Variants in SCAPER observed in about 807,000 individuals in gnomAD.
SCAPER encodes the protein S-phase cyclin A associated protein in the ER, also known as S phase cyclin A-associated protein in the endoplasmic reticulum.
A neutral mutation model predicts 182.2 loss-of-function variants in SCAPER; 98 were observed. The observed-to-expected ratio is 0.54, with a 90% CI of 0.46 to 0.64. The LOEUF is 0.64. SCAPER is among the 30% of genes least tolerant of loss of function. The pLI is 0.00. For missense variants in SCAPER, 1,432 were observed against 1,690.0 expected (o/e 0.85, Z 2.68); for synonymous variants, 605 against 564.6 (o/e 1.07, Z -1.01).
chr15:76,514,788 T>C (rs2042294158), intron 23 of SCAPER, among the ~76,000 whole-genome samples: 1 of 152,204 alleles, frequency 6.6e-6, no homozygotes, highest in African/African-American at 2.4e-5. Flanking sequence ...TGGTCGTTTT[T>C]CCCAATATGG....
intron 8 of SCAPER, among the ~76,000 whole-genome samples, chr15:76,792,181 G>T (rs1469639537): frequency 1.3e-5 from 2 of 151,836 alleles, no homozygotes; most frequent in Non-Finnish European, 2.9e-5. Flanking sequence ...AGGAAATTCA[G>T]ATATAAAGGT....
intron 25 of SCAPER, among the ~76,000 whole-genome samples, chr15:76,468,479 TTCA>T (rs2049865372): frequency 6.6e-6 from 1 of 152,128 alleles, no homozygotes; most frequent in South Asian, 2.1e-4. Context: ...ACGAAGGTTA[TTCA>T]AAGGGAACTA....
At chr15:76,761,243 G>C (rs558751792) in intron 14 of SCAPER, among the ~76,000 whole-genome samples, 18 of 151,820 alleles carry the variant, frequency 1.2e-4, no homozygotes, top group African/African-American at 4.3e-4. Flanking sequence ...TTTTTTCTTA[G>C]ACTAGCTAAG....
intron 21 of SCAPER, among the ~76,000 whole-genome samples, chr15:76,637,772 GTGTGTGTGT>G (rs2053757905): frequency 1.4e-5 from 2 of 142,712 alleles, no homozygotes; most frequent in Non-Finnish European, 3.0e-5. Context: ...GTGTGTGTGT[GTGTGTGTGT>G]GTGTGTGTGT....
chr15:76,638,299 AT>A (rs1384573925), intron 21 of SCAPER, among the ~76,000 whole-genome samples: 1 of 152,136 alleles, frequency 6.6e-6, no homozygotes, highest in Non-Finnish European at 1.5e-5. Context: ...AGAGTTCACA[AT>A]TTTAACAACA....
intron 21 of SCAPER, among the ~76,000 whole-genome samples, chr15:76,632,089 T>C (rs2053162098): frequency 6.6e-6 from 1 of 152,226 alleles, no homozygotes; most frequent in Non-Finnish European, 1.5e-5. Flanking sequence ...GACTGATACT[T>C]GTGTTTGCAT....
rs1427667650 is a variant in SCAPER, at chr15:76,804,567, G to C, written c.460C>G (p.Gln154Glu). The C allele has an allele frequency of 6.2e-7, 1 of 1,611,578 alleles. No individual in the cohort carries two copies. Among genetic ancestry groups the C allele is most frequent in the Admixed American group, 1.7e-5 (1 of 59,916 alleles). ...GCATCTGTCTTCTCTAGCTTTTCCT[G>C]AAGCTGAATCCAGTCAATCAATGCT... ...FKALIDWIQLQEKLEKTDAQS... is the reference protein window; with the variant it reads ...FKALIDWIQLEEKLEKTDAQS... The change falls in exon 6 of 32, where the codon CAG becomes GAG. Residue 154 changes from glutamine (Q) to glutamate (E), a missense_variant. Physicochemically the swap from Gln to Glu is conservative, Grantham distance 29 (BLOSUM62 2). Transcript: ENST00000563290.
Position 76,584,283 on chromosome 15 carries a change from G to A in SCAPER, c.2712-9999C>T, listed in dbSNP as rs190350815. On this transcript the variant is annotated intron_variant, in intron 22 of 31. Transcript: ENST00000563290. ...TACCAGAGGCTGGTAAGGGTAGTGG[G>A]GAAGTGTGTGTCATTAATAAGTACA... Among the ~76,000 whole-genome samples, 4 of 152,264 alleles carry A rather than the reference G, an allele frequency of 2.6e-5. No homozygotes were observed. In the East Asian group the frequency reaches 7.7e-4, roughly 29 times the overall value.
chr15:76,700,950 G>A (rs2058908347), intron 20 of SCAPER, among the ~76,000 whole-genome samples: 1 of 152,094 alleles, frequency 6.6e-6, no homozygotes, highest in Admixed American at 6.5e-5. Context: ...GGGGACATAA[G>A]TAGGAGGGGG....
chr15:76,825,775 C>A (rs2067959234), intron 5 of SCAPER, among the ~76,000 whole-genome samples: 3 of 152,142 alleles, frequency 2.0e-5, no homozygotes, highest in African/African-American at 7.2e-5. Flanking sequence ...GACAGAGTCT[C>A]GCTCTGTTGC....
intron 1 of SCAPER, among the ~76,000 whole-genome samples, chr15:76,885,247 G>A (rs571450689): frequency 3.3e-5 from 5 of 152,128 alleles, no homozygotes; most frequent in African/African-American, 9.6e-5. Flanking sequence ...ATCTCACTCG[G>A]AGGAAAAGCC....
chr15:76,628,138 T>C (rs1373973568), intron 21 of SCAPER, among the ~76,000 whole-genome samples: 1 of 152,240 alleles, frequency 6.6e-6, no homozygotes, highest in Non-Finnish European at 1.5e-5. Flanking sequence ...AATGGGGTTT[T>C]CTTTCTTGTA....
intron 6 of SCAPER, among the ~76,000 whole-genome samples, chr15:76,801,717 C>T (rs766593282): frequency 1.3e-5 from 2 of 151,950 alleles, no homozygotes; most frequent in East Asian, 1.9e-4. Context: ...GTCAGGAGTT[C>T]GAGATCAGCC....
intron 25 of SCAPER, among the ~76,000 whole-genome samples, chr15:76,458,335 CATAT>C (rs1405955992): frequency 2.6e-5 from 4 of 151,318 alleles, no homozygotes; most frequent in Admixed American, 2.6e-4. Flanking sequence ...GAGAGAAAAT[CATAT>C]ATAGAGAGAG....
At chr15:76,904,409 T>C (rs2074954370) in intron 1 of SCAPER, among the ~76,000 whole-genome samples, 1 of 152,214 alleles carries the variant, frequency 6.6e-6, no homozygotes, top group African/African-American at 2.4e-5. Flanking sequence ...AAATGACTAT[T>C]AATGAATAGC....
intron 20 of SCAPER, among the ~76,000 whole-genome samples, chr15:76,694,383 T>A (rs2058539840): frequency 2.6e-5 from 4 of 152,262 alleles, no homozygotes; most frequent in Admixed American, 2.6e-4. Flanking sequence ...AATTTCTTTT[T>A]CAGAAAGTTC....
intron 5 of SCAPER, among the ~76,000 whole-genome samples, chr15:76,818,940 T>A (rs568224693): frequency 3.3e-5 from 5 of 152,212 alleles, no homozygotes; most frequent in Non-Finnish European, 7.3e-5. Flanking sequence ...GGAGATTATA[T>A]CCCGCACATG....
intron 22 of SCAPER, chr15:76,586,595 T>C (rs1027625531): frequency 6.5e-6 from 1 of 153,012 alleles, no homozygotes; most frequent in African/African-American, 2.4e-5. Context: ...TATGCATACA[T>C]ATATATGTGT....
chr15:76,831,325 C>G (rs941293418), intron 5 of SCAPER, among the ~76,000 whole-genome samples: 1 of 152,084 alleles, frequency 6.6e-6, no homozygotes, highest in Non-Finnish European at 1.5e-5. Context: ...ACACTCGCAA[C>G]ACAGCCACAG....
Sources: allele counts gnomAD v4.1 joint callset (sites outside exome capture counted in the v4.1 genomes callset), GRCh38; gene constraint gnomAD v4.1.1; transcripts MANE v1.5; gene names NCBI Gene and HGNC (gene_info 2026-07-23, HGNC 2026-07-21).